ASIC2: variants seen among roughly 807,000 people sequenced by gnomAD.
The protein encoded by ASIC2 is acid-sensing ion channel 2.
In ASIC2, 25 loss-of-function variants were observed where a neutral mutation model predicts 57.3. The ratio of observed to expected loss-of-function variants is 0.44; its 90% CI spans 0.32 to 0.61. The LOEUF (loss-of-function observed/expected upper bound fraction) is 0.61, where lower values mean the gene tolerates loss of function less well. ASIC2 is among the 20% of genes least tolerant of loss of function. ASIC2 has a pLI of 0.06. For missense variants in ASIC2, 641 were observed against 738.1 expected (o/e 0.87, Z 1.52); for synonymous variants, 319 against 307.5 (o/e 1.04, Z -0.39).
intron 1 of ASIC2, among the ~76,000 whole-genome samples, chr17:33,743,042 CT>C (rs1215284286): frequency 6.6e-6 from 1 of 152,220 alleles, no homozygotes; most frequent in African/African-American, 2.4e-5. Flanking sequence ...CTCCTCTACC[CT>C]TTATCTTCCT....
At chr17:33,850,442 A>G (rs1304249736) in intron 1 of ASIC2, among the ~76,000 whole-genome samples, 2 of 152,234 alleles carry the variant, frequency 1.3e-5, no homozygotes, top group East Asian at 3.8e-4. Context: ...TTCTTCTCGC[A>G]TAAATTTCCT....
At chr17:33,903,071 A>G (rs1465065983) in intron 1 of ASIC2, among the ~76,000 whole-genome samples, 2 of 152,202 alleles carry the variant, frequency 1.3e-5, no homozygotes, top group African/African-American at 4.8e-5. Flanking sequence ...TTGACTTTGC[A>G]AGAATATTTT....
intron 1 of ASIC2, among the ~76,000 whole-genome samples, chr17:33,353,849 T>A (rs1567832803): frequency 6.6e-6 from 1 of 152,142 alleles, no homozygotes; most frequent in Admixed American, 6.5e-5. Context: ...AAGCACAGGG[T>A]CTCCATCAAG....
At chr17:33,739,431 T>C (rs972053060) in intron 1 of ASIC2, among the ~76,000 whole-genome samples, 1 of 152,212 alleles carries the variant, frequency 6.6e-6, no homozygotes, top group Non-Finnish European at 1.5e-5. Flanking sequence ...ACCAATAAAT[T>C]TGTAGCAGGC....
chr17:33,367,060 G>A (rs16968253), intron 1 of ASIC2, among the ~76,000 whole-genome samples: 34,844 of 152,190 alleles, frequency 0.23, 5,482 homozygotes, highest in African/African-American at 0.45. Context: ...TGTGTACCAG[G>A]CCCTGCTGAA....
chr17:33,663,377 G>A (rs1229596210), intron 1 of ASIC2, among the ~76,000 whole-genome samples: 4 of 151,916 alleles, frequency 2.6e-5, no homozygotes, highest in Non-Finnish European at 5.9e-5. Flanking sequence ...GGCTCTCAGT[G>A]GATCCTAAAA....
At chr17:33,066,163 G>A (rs2092042626) in intron 3 of ASIC2, among the ~76,000 whole-genome samples, 1 of 152,208 alleles carries the variant, frequency 6.6e-6, no homozygotes, top group South Asian at 2.1e-4. Context: ...TTTGGGGGAA[G>A]GCAAGGGCTT....
intron 1 of ASIC2, among the ~76,000 whole-genome samples, chr17:33,827,353 A>G (rs1912958307): frequency 1.2e-4 from 1 of 8,486 alleles, no homozygotes; most frequent in Non-Finnish European, 3.8e-4. Flanking sequence ...TTTTTTTGAG[A>G]CAGAGTCTTG....
At chr17:33,826,038 T>C (rs1321545582) in intron 1 of ASIC2, among the ~76,000 whole-genome samples, 1 of 152,220 alleles carries the variant, frequency 6.6e-6, no homozygotes, top group Non-Finnish European at 1.5e-5. Flanking sequence ...GTGGATACTT[T>C]AATGGTACAC....
chr17:34,016,353 G>A (rs1456738857), intron 1 of ASIC2, among the ~76,000 whole-genome samples: 3 of 150,834 alleles, frequency 2.0e-5, no homozygotes. Flanking sequence ...GAACCCGGGA[G>A]GCGGAGCTTG....
intron 1 of ASIC2, among the ~76,000 whole-genome samples, chr17:33,341,124 C>A (rs1907704072): frequency 6.6e-6 from 1 of 152,206 alleles, no homozygotes; most frequent in Non-Finnish European, 1.5e-5. Context: ...GGTATCCAAT[C>A]CAGTGGTAAT....
intron 1 of ASIC2, among the ~76,000 whole-genome samples, chr17:33,685,633 T>C (rs1424903452): frequency 6.6e-6 from 1 of 152,226 alleles, no homozygotes; most frequent in African/African-American, 2.4e-5. Context: ...GTTTGAATTC[T>C]GAGAGGAAGG....
At chr17:33,909,044 C>G (rs1019879452) in intron 1 of ASIC2, among the ~76,000 whole-genome samples, 1 of 152,172 alleles carries the variant, frequency 6.6e-6, no homozygotes, top group Non-Finnish European at 1.5e-5. Context: ...AATGGTGGCC[C>G]TGAAGATTAT....
chr17:33,412,588 A>G (rs991873215), intron 1 of ASIC2, among the ~76,000 whole-genome samples: 1 of 152,212 alleles, frequency 6.6e-6, no homozygotes, highest in Non-Finnish European at 1.5e-5. Context: ...GGTCTTGCTG[A>G]GGCAAAACTA....
chr17:33,161,458 C>G (rs1905156902), intron 1 of ASIC2, among the ~76,000 whole-genome samples: 1 of 152,212 alleles, frequency 6.6e-6, no homozygotes, highest in African/African-American at 2.4e-5. Flanking sequence ...AAGGCCTTCT[C>G]CAACCCTAGT....
At chr17:33,042,529 G>C (rs1598249290) in intron 3 of ASIC2, among the ~76,000 whole-genome samples, 1 of 152,214 alleles carries the variant, frequency 6.6e-6, no homozygotes, top group African/African-American at 2.4e-5. Flanking sequence ...GCCAGGCACT[G>C]TTCTAAGCAT....
chr17:33,670,937 T>C (rs60738611), intron 1 of ASIC2, among the ~76,000 whole-genome samples: 11,263 of 152,282 alleles, frequency 0.074, 554 homozygotes, highest in East Asian at 0.22. Context: ...AAAATGCTTT[T>C]TTTGGGCTTT....
intron 1 of ASIC2, among the ~76,000 whole-genome samples, chr17:33,932,186 C>T (rs1039748997): frequency 2.0e-5 from 3 of 152,102 alleles, no homozygotes; most frequent in Non-Finnish European, 2.9e-5. Context: ...TGGTGTCTTC[C>T]CCACCCCAGG....
intron 3 of ASIC2, among the ~76,000 whole-genome samples, chr17:33,080,020 G>A (rs1465682155): frequency 6.6e-6 from 1 of 152,086 alleles, no homozygotes; most frequent in Non-Finnish European, 1.5e-5. Context: ...TCTAAGCGAG[G>A]AGTTCAGCAG....
Sources: gnomAD v4.1 joint callset for allele counts (sites outside exome capture counted in the v4.1 genomes callset) on GRCh38, gnomAD v4.1.1 for gene constraint, MANE v1.5 for transcripts, NCBI Gene and HGNC (gene_info 2026-07-23, HGNC 2026-07-21) for gene names.